Variants in CNTN4 observed in about 807,000 individuals in gnomAD.
The protein encoded by CNTN4 is contactin-4.
A neutral mutation model predicts 122.5 loss-of-function variants in CNTN4; 77 were observed. The ratio of observed to expected loss-of-function variants is 0.63; its 90% CI spans 0.52 to 0.76. CNTN4 has a LOEUF of 0.76. CNTN4 is among the 30% of genes least tolerant of loss of function. The pLI is 0.00. For synonymous variants in CNTN4, 512 were observed against 447.0 expected, an observed-to-expected ratio of 1.15 and a Z score of -1.83; for missense variants, 1,256 against 1,259.1, an observed-to-expected ratio of 1.00 and a Z score of 0.04.
chr3:2,109,081 C>G (rs2032718787), intron 2 of CNTN4, among the ~76,000 whole-genome samples: 1 of 152,138 alleles, frequency 6.6e-6, no homozygotes, highest in South Asian at 2.1e-4. Flanking sequence ...CTTGAAAAAG[C>G]TGGAATTGAC....
chr3:2,919,064 C>T (rs1444227032), intron 12 of CNTN4, among the ~76,000 whole-genome samples: 1 of 152,020 alleles, frequency 6.6e-6, no homozygotes, highest in Non-Finnish European at 1.5e-5. Context: ...TGCTTTTTGG[C>T]TGGTCATGGT....
At chr3:2,897,711 CAA>C (rs1160160085) in intron 10 of CNTN4, among the ~76,000 whole-genome samples, 1 of 152,100 alleles carries the variant, frequency 6.6e-6, no homozygotes, top group Admixed American at 6.6e-5. Context: ...ATGCATGAAA[CAA>C]AGTTTTCACT....
intron 4 of CNTN4, among the ~76,000 whole-genome samples, chr3:2,700,009 G>C (rs2149252472): frequency 6.6e-6 from 1 of 152,152 alleles, no homozygotes; most frequent in South Asian, 2.1e-4. Context: ...CTATGACTCT[G>C]AGTATCTCTG....
chr3:2,139,331 A>C (rs1212882625), intron 2 of CNTN4, among the ~76,000 whole-genome samples: 1 of 152,154 alleles, frequency 6.6e-6, no homozygotes, highest in East Asian at 1.9e-4. Flanking sequence ...AAAACACACA[A>C]ATTGAAATAA....
At chr3:2,729,574 G>C (rs1467818118) in intron 4 of CNTN4, among the ~76,000 whole-genome samples, 1 of 138,110 alleles carries the variant, frequency 7.2e-6, no homozygotes, top group Non-Finnish European at 1.6e-5. Context: ...GAAGAGAAAA[G>C]AAAAATGAAA....
chr3:2,437,601 C>T (rs2151255745), intron 3 of CNTN4, among the ~76,000 whole-genome samples: 1 of 152,144 alleles, frequency 6.6e-6, no homozygotes, highest in Non-Finnish European at 1.5e-5. Flanking sequence ...CAAAAGTATC[C>T]TTTCTATATT....
chr3:2,528,026 A>G (rs1380145284), intron 3 of CNTN4, among the ~76,000 whole-genome samples: 2 of 152,142 alleles, frequency 1.3e-5, no homozygotes, highest in African/African-American at 4.8e-5. Flanking sequence ...TGTTCTTTCT[A>G]AAACAATCAG....
At chr3:2,452,864 C>T (rs1427372407) in intron 3 of CNTN4, among the ~76,000 whole-genome samples, 1 of 151,878 alleles carries the variant, frequency 6.6e-6, no homozygotes, top group Non-Finnish European at 1.5e-5. Flanking sequence ...GAGTCATGAC[C>T]CCAGAGAAGC....
At chr3:2,730,193 C>G (rs1335535914) in intron 4 of CNTN4, among the ~76,000 whole-genome samples, 1 of 152,098 alleles carries the variant, frequency 6.6e-6, no homozygotes, top group Non-Finnish European at 1.5e-5. Flanking sequence ...GGATGACACC[C>G]AAGTCTAAAC....
Position 2,289,003 on chromosome 3 carries a change from G to C in CNTN4, c.-144-50175G>C, listed in dbSNP as rs55744128. ...ACAGAACCATCTTAAGGTCTGAAAG[G>C]CCTTAAAAATAATCCAATCCCATAC... On this transcript the variant is annotated intron_variant, in intron 2 of 24. Coordinates refer to ENST00000418658, the MANE Select transcript of CNTN4 (RefSeq NM_175607.3). Among the ~76,000 whole-genome samples, 796 of 152,110 alleles carry C rather than the reference G, an allele frequency of 5.2e-3. 10 individuals carry two copies. The highest frequency in any genetic ancestry group is 0.018 in the African/African-American group (744 of 41,500).
chr3:2,640,496 T>A (rs555163910), intron 4 of CNTN4, among the ~76,000 whole-genome samples: 1 of 152,074 alleles, frequency 6.6e-6, no homozygotes, highest in Admixed American at 6.5e-5. Flanking sequence ...AGGGGGGAAA[T>A]GTAGTAAAGA....
intron 4 of CNTN4, among the ~76,000 whole-genome samples, chr3:2,588,578 A>G (rs2046036): frequency 1 from 152,049 of 152,062 alleles, 76,018 homozygotes; most frequent in Middle Eastern, 1. Flanking sequence ...TGTTGGCCAG[A>G]CTGGTCTTGA....
intron 3 of CNTN4, among the ~76,000 whole-genome samples, chr3:2,428,296 G>T (rs939608435): frequency 6.6e-6 from 1 of 152,160 alleles, no homozygotes; most frequent in Non-Finnish European, 1.5e-5. Flanking sequence ...GCATTTGCTT[G>T]TCTGTAAAGG....
intron 3 of CNTN4, among the ~76,000 whole-genome samples, chr3:2,433,710 G>A (rs996755218): frequency 5.3e-5 from 8 of 152,082 alleles, no homozygotes; most frequent in Non-Finnish European, 8.8e-5. Context: ...CAATGTTGCG[G>A]AGCATTTCCT....
chr3:2,128,809 T>C (rs968232454), intron 2 of CNTN4, among the ~76,000 whole-genome samples: 1 of 152,176 alleles, frequency 6.6e-6, no homozygotes, highest in Non-Finnish European at 1.5e-5. Context: ...AAGAAAACCA[T>C]AAAGAGCCAA....
At chr3:2,890,088 C>T (rs1349572476) in intron 10 of CNTN4, among the ~76,000 whole-genome samples, 1 of 152,210 alleles carries the variant, frequency 6.6e-6, no homozygotes, top group Non-Finnish European at 1.5e-5. Flanking sequence ...TTGTCAGCCA[C>T]GCTTGGTGTT....
chr3:2,651,690 AT>A (rs1022613472), intron 4 of CNTN4, among the ~76,000 whole-genome samples: 13 of 149,084 alleles, frequency 8.7e-5, no homozygotes, highest in South Asian at 4.3e-4. Flanking sequence ...CATCTCTACA[AT>A]TTTTTTTCTT....
chr3:2,452,096 A>G (rs1394689129), intron 3 of CNTN4, among the ~76,000 whole-genome samples: 3 of 152,180 alleles, frequency 2.0e-5, no homozygotes, highest in Non-Finnish European at 4.4e-5. Context: ...GAATAACCCT[A>G]TCCAGAATTG....
chr3:2,358,706 A>G (rs922400547), intron 3 of CNTN4, among the ~76,000 whole-genome samples: 12 of 152,210 alleles, frequency 7.9e-5, no homozygotes, highest in African/African-American at 2.9e-4. Flanking sequence ...TAAAGTGCAT[A>G]GTCATTTTTC....
Sources: allele counts gnomAD v4.1 joint callset (sites outside exome capture counted in the v4.1 genomes callset), GRCh38; gene constraint gnomAD v4.1.1; transcripts MANE v1.5; gene names NCBI Gene and HGNC (gene_info 2026-07-23, HGNC 2026-07-21).